RASSF1: variants seen among roughly 807,000 people sequenced by gnomAD.
RASSF1 encodes the protein Ras association domain family member 1.
In RASSF1, 33 loss-of-function variants were observed where a neutral mutation model predicts 34.3. The observed-to-expected ratio is 0.96, with a 90% CI of 0.73 to 1.29. The LOEUF (loss-of-function observed/expected upper bound fraction) is 1.29, where lower values mean the gene tolerates loss of function less well. Among genes scored for constraint, RASSF1 ranks in the 50% most tolerant of loss-of-function variants. The pLI, the probability that RASSF1 is intolerant of heterozygous loss-of-function variation, is 0.00. For missense variants in RASSF1, 445 were observed against 471.8 expected (o/e 0.94, Z 0.53); for synonymous variants, 191 against 195.0 (o/e 0.98, Z 0.17).
At position 50,332,125 on chromosome 3, in the gene RASSF1, G is replaced by T. The variant is rs76335415; in HGVS notation, c.387C>A (p.Asp129Glu). 5 of 1,614,158 alleles carry T rather than the reference G, an allele frequency of 3.1e-6. No homozygotes were observed. The East Asian group carries it at 8.9e-5, about 29-fold the overall frequency. Residue 129 changes from aspartate (D) to glutamate (E), a missense_variant, in exon 3 of 6, where the codon GAC becomes GAA. Physicochemically the swap from Asp to Glu is conservative, Grantham distance 45 (BLOSUM62 2). Coordinates refer to ENST00000359365, the MANE Select transcript of RASSF1 (RefSeq NM_007182.5). ...TCTGCTCAATCTCAGCTTGAGAAAGGTCAGGTGTCTCCCACTCCACAGGCT... is the reference window on the plus strand; with the variant it reads ...TCTGCTCAATCTCAGCTTGAGAAAGTTCAGGTGTCTCCCACTCCACAGGCT... ...VDEPVEWETP[D>E]LSQAEIEQKI...
rs187066753 is a variant in RASSF1, at chr3:50,337,888, C to T, written c.357+17G>A. ...CCCATCCTCGCCCTTCCCATACGCC[C>T]TCGGCCCCGCGCTCACCACGTTCGT... is the stretch of plus-strand genomic sequence containing the variant. On this transcript the variant is annotated intron_variant, in intron 2 of 5. Coordinates refer to ENST00000359365, the MANE Select transcript of RASSF1 (RefSeq NM_007182.5). The T allele has an allele frequency of 5.7e-6, 9 of 1,574,394 alleles. No individual in the cohort carries two copies. Among genetic ancestry groups the T allele is most frequent in the Non-Finnish European group, 7.9e-6 (9 of 1,146,426 alleles).
rs934370004 is a variant in RASSF1, at chr3:50,332,120, G to A, written c.392C>T (p.Ser131Phe). The A allele has an allele frequency of 5.0e-6, 8 of 1,614,088 alleles. No individual in the cohort carries two copies. The highest frequency in any genetic ancestry group is 6.8e-6 in the Non-Finnish European group (8 of 1,180,038). ...GATCTTCTGCTCAATCTCAGCTTGA[G>A]AAAGGTCAGGTGTCTCCCACTCCAC... is the stretch of plus-strand genomic sequence containing the variant. ...EPVEWETPDLSQAEIEQKIKE... is the reference protein window; with the variant it reads ...EPVEWETPDLFQAEIEQKIKE... Residue 131 changes from serine to phenylalanine, a missense_variant, in exon 3 of 6, where the codon TCT becomes TTT. Ser to Phe is a radical substitution (Grantham distance 155, BLOSUM62 -2). Transcript: ENST00000359365.
rs1703045125 is a variant in RASSF1 at position 50,334,201 on chromosome 3, T to A, written c.358-2047A>T. On this transcript the variant is annotated intron_variant, in intron 2 of 5. Transcript: ENST00000359365. ...CTCCTTACCCAGAACCCGCTGCTAT[T>A]CTGCAGCCAGCAAGGATGTGGGGCT... Among the ~76,000 whole-genome samples the A allele has an allele frequency of 2.0e-5, 3 of 152,188 alleles. No individual in the cohort carries two copies. The South Asian group carries it at 6.2e-4, about 31-fold the overall frequency.
chr3:50,333,832 C>A (rs1697228260), intron 2 of RASSF1, among the ~76,000 whole-genome samples: 1 of 152,172 alleles, frequency 6.6e-6, no homozygotes, highest in African/African-American at 2.4e-5. Flanking sequence ...GGACTGGATT[C>A]TTGCCGGAAG....
chr3:50,340,834 T>C lies in RASSF1; in HGVS notation c.-29A>G. 6.9e-7 allele frequency: 1 copy of C among 1,449,612 alleles called. No homozygotes were observed. 89.8% of individuals were successfully genotyped at this position (1,449,612 alleles called of 1,614,324 possible). On this transcript the variant is annotated 5_prime_UTR_variant, in exon 1 of 6. Transcript: ENST00000359365. Reference sequence around the variant, plus strand: ...CCGGTTGGGCCCGTGCTTCGCTGGCTTTGGGCGCTAGCAAGCGCGGGCCGG... The same window carrying C: ...CCGGTTGGGCCCGTGCTTCGCTGGCCTTGGGCGCTAGCAAGCGCGGGCCGG...
rs587609877 is a variant in RASSF1 at position 50,330,220 on chromosome 3, C to T, written c.*361G>A. The T allele has an allele frequency of 2.0e-5, 4 of 200,452 alleles. No individual in the cohort carries two copies. Among genetic ancestry groups the T allele is most frequent in the Non-Finnish European group, 4.1e-5 (4 of 97,854 alleles). The allele number at this position is 200,452 out of a possible 1,614,324, so 12.4% of individuals were successfully genotyped here. ...AAAACCTTTCCTCATAGATGAGGGC[C>T]GTCACCCCTGCAAACATGACCCTGT... is the stretch of plus-strand genomic sequence containing the variant. On this transcript the variant is annotated 3_prime_UTR_variant, in exon 6 of 6. Transcript: ENST00000359365. The surrounding 1 kb of genome is among the most constrained non-coding windows in gnomAD (Gnocchi z 4.5).
At chr3:50,332,300 C>T in intron 2 of RASSF1, 146 bp from the exon 3 acceptor site, 1 of 634,518 alleles carries the variant, frequency 1.6e-6, no homozygotes, top group South Asian at 1.9e-5. Flanking sequence ...CCACCCTGAA[C>T]CCACCACTGC....
chr3:50,337,918 C>G lies in RASSF1; in HGVS notation c.344G>C (p.Arg115Pro), dbSNP rs1295034740. Residue 115 changes from arginine to proline, a missense_variant, in exon 2 of 6, where the codon CGG becomes CCG. Transcript: ENST00000359365. Reference protein sequence around the residue: ...RDLGWEPAVERDTNVDEPVEW... With the variant: ...RDLGWEPAVEPDTNVDEPVEW... ...CCCCGCGCTCACCACGTTCGTGTCC[C>G]GCTCCACCGCGGGTTCCCAGCCCAG... The G allele has an allele frequency of 6.2e-7, 1 of 1,609,884 alleles. No homozygotes were observed. The highest frequency in any genetic ancestry group is 8.5e-7 in the Non-Finnish European group (1 of 1,177,058).
chr3:50,340,754 G>T lies in RASSF1; in HGVS notation c.52C>A (p.Arg18Ser). Residue 18 changes from arginine (R) to serine (S), a missense_variant, in exon 1 of 6, where the codon CGC becomes AGC. Coordinates refer to ENST00000359365, the MANE Select transcript of RASSF1 (RefSeq NM_007182.5). ...IELRELAPAG[R>S]AGKGRTRLER... The stretch of plus-strand genomic sequence containing the variant: ...AGCCGGGTGCGGCCCTTCCCAGCGC[G>T]CCCAGCGGGTGCCAGCTCCCGCAGC... 2.0e-6 allele frequency: 3 copies of T among 1,511,924 alleles called. No individual in the cohort carries two copies. The highest frequency in any genetic ancestry group is 2.6e-6 in the Non-Finnish European group (3 of 1,140,064). The allele number at this position is 1,511,924 out of a possible 1,614,324, so 93.7% of individuals were successfully genotyped here.
chr3:50,340,398 C>G (rs2109352254), intron 1 of RASSF1, among the ~76,000 whole-genome samples, 158 bp downstream of exon 1: 1 of 152,366 alleles, frequency 6.6e-6, no homozygotes, highest in Middle Eastern at 3.4e-3. Flanking sequence ...AAGGGATAAA[C>G]CATTTTCGCG....
At chr3:50,335,284 AC>A (rs1274668336) in intron 2 of RASSF1, among the ~76,000 whole-genome samples, 3 of 142,208 alleles carry the variant, frequency 2.1e-5, no homozygotes, top group Middle Eastern at 3.9e-3. Flanking sequence ...TTAACATATA[AC>A]TTGGGACTTC....
At chr3:50,338,261 C>T in intron 1 of RASSF1, 1 of 1,235,814 alleles carries the variant, frequency 8.1e-7, no homozygotes, top group Non-Finnish European at 1.0e-6. Flanking sequence ...ACAGAACTTC[C>T]CCTTTCCTCA....
intron 2 of RASSF1, among the ~76,000 whole-genome samples, chr3:50,335,313 C>CTTTTTTT (rs906428880): frequency 8.3e-5 from 9 of 107,964 alleles, no homozygotes; most frequent in Middle Eastern, 5.5e-3. Flanking sequence ...CCTATTCTTT[C>CTTTTTTT]TTTTTTTTTT....
intron 1 of RASSF1, chr3:50,338,370 C>G (rs984255353): frequency 3.6e-6 from 1 of 277,058 alleles, no homozygotes; most frequent in Non-Finnish European, 5.9e-6. Flanking sequence ...ACCTCCGCCT[C>G]CTGGGTTCAA....
intron 1 of RASSF1, among the ~76,000 whole-genome samples, 193 bp downstream of exon 1, chr3:50,340,363 G>A (rs1703317706): frequency 6.6e-6 from 1 of 152,220 alleles, no homozygotes; most frequent in African/African-American, 2.4e-5. Context: ...GCTCATCTGT[G>A]GCCCAGATAC....
Position 50,335,782 on chromosome 3 carries a change from GT to G in RASSF1, c.357+2122del, listed in dbSNP as rs1295824404. Among the ~76,000 whole-genome samples, 31 of 151,286 alleles carry G rather than the reference GT, an allele frequency of 2.0e-4. 1 individual carries two copies. The highest frequency in any genetic ancestry group is 2.0e-3 in the Admixed American group (31 of 15,176). ...CACCATGCCCGGCTAATTTTTGTAT[GT>G]TTAGTAGAGATAGGGTTTCACCATG... On this transcript the variant is annotated intron_variant, in intron 2 of 5. Transcript: ENST00000359365.
chr3:50,331,846 C>A lies in RASSF1; in HGVS notation c.473G>T (p.Gly158Val). The change falls in exon 4 of 6, where the codon GGT (glycine) becomes GTT (valine). Residue 158 changes from glycine to valine, a missense_variant. Coordinates refer to ENST00000359365, the MANE Select transcript of RASSF1 (RefSeq NM_007182.5). ...AACCTTGATGAAGCCTGTGTAAGAA[C>A]CGTCCTTGTTCTAAAGAAATAGAGA... ...SNLFMSLNKD[G>V]SYTGFIKVQL... The A allele has an allele frequency of 6.4e-7, 1 of 1,568,432 alleles. No homozygotes were observed. Among genetic ancestry groups the A allele is most frequent in the Non-Finnish European group, 8.7e-7 (1 of 1,153,288 alleles).
At chr3:50,337,414 G>C in intron 2 of RASSF1, 1 of 1,582,732 alleles carries the variant, frequency 6.3e-7, no homozygotes, top group East Asian at 2.2e-5. Flanking sequence ...GTGTGCGCGT[G>C]CGCCCGGGCC....
In RASSF1 at chr3:50,331,426, C is replaced by T. The variant is rs757965655; in HGVS notation, c.784G>A (p.Asp262Asn). 5 of 1,601,142 alleles carry T rather than the reference C, an allele frequency of 3.1e-6. No homozygotes were observed. Among genetic ancestry groups the T allele is most frequent in the Non-Finnish European group, 3.4e-6 (4 of 1,172,052 alleles). ...AGCCGCAGCCGCAGGGGCTGCTCAT[C>T]ATCCAACAGCTTCCGCAAGTACACT... ...GQVYLRKLLD[D>N]EQPLRLRLLA... The change falls in exon 5 of 6, where the codon GAT (aspartate) becomes AAT (asparagine). Residue 262 changes from aspartate to asparagine, a missense_variant. Asp to Asn is a conservative substitution (Grantham distance 23). Transcript: ENST00000359365.
Sources: allele counts gnomAD v4.1 joint callset (sites outside exome capture counted in the v4.1 genomes callset), GRCh38; gene constraint gnomAD v4.1.1; non-coding constraint Gnocchi (gnomAD v3.1); transcripts MANE v1.5; gene names NCBI Gene and HGNC (gene_info 2026-07-23, HGNC 2026-07-21).